KIAA0319L: variants seen among roughly 807,000 people sequenced by gnomAD.
KIAA0319L encodes KIAA0319 like.
In KIAA0319L, 55 loss-of-function variants were observed where a neutral mutation model predicts 120.1. The observed-to-expected ratio is 0.46, with a 90% confidence interval of 0.37 to 0.57. KIAA0319L has a LOEUF of 0.57. KIAA0319L is among the 20% of genes least tolerant of loss of function. The probability of loss-of-function intolerance (pLI) is 0.00; values close to 1 mark genes in which losing one functional copy is unlikely to be tolerated. For synonymous variants in KIAA0319L, 398 were observed against 471.9 expected, an observed-to-expected ratio of 0.84 and a Z score of 2.03; for missense variants, 1,049 against 1,255.3, an observed-to-expected ratio of 0.84 and a Z score of 2.48.
chr1:35,458,444 G>T (rs994455777), intron 9 of KIAA0319L, among the ~76,000 whole-genome samples: 1 of 151,964 alleles, frequency 6.6e-6, no homozygotes, highest in Non-Finnish European at 1.5e-5. Context: ...AAAGGTGAGT[G>T]AATTACAACC....
rs1481783229 is a variant in KIAA0319L at position 35,435,024 on chromosome 1, A to G, written c.3020T>C (p.Leu1007Pro). The G allele has an allele frequency of 3.7e-6, 6 of 1,614,216 alleles. No individual in the cohort carries two copies. The highest frequency in any genetic ancestry group is 1.7e-4 in the Middle Eastern group (1 of 6,060). The change falls in exon 21 of 21, where the codon CTG becomes CCG. Residue 1007 changes from leucine to proline, a missense_variant. Physicochemically the swap from Leu to Pro is moderately conservative, Grantham distance 98 (BLOSUM62 -3). Coordinates refer to ENST00000325722, the MANE Select transcript of KIAA0319L (RefSeq NM_024874.5). ...TGTAAAGATGGCATCATCGCTGTCC[A>G]GCTCTGACTCGGAGTGCATCAGGCT... ...SSSLMHSESE[L>P]DSDDAIFTWP...
intron 3 of KIAA0319L, among the ~76,000 whole-genome samples, chr1:35,497,458 G>A: frequency 6.6e-6 from 1 of 152,152 alleles, no homozygotes. Context: ...CAATTTTCTA[G>A]AGGGGGTGAG....
chr1:35,454,109 A>C (rs1310675618), intron 11 of KIAA0319L: 1 of 475,592 alleles, frequency 2.1e-6, no homozygotes, highest in African/African-American at 1.9e-5. Flanking sequence ...GATGGCATAA[A>C]CTCTATTTCC....
Position 35,506,541 on chromosome 1 carries a change from C to T in KIAA0319L, c.666+71G>A. On this transcript the variant is annotated intron_variant, in intron 3 of 20. Coordinates refer to ENST00000325722, the MANE Select transcript of KIAA0319L (RefSeq NM_024874.5). The surrounding 1 kb of genome is among the most constrained non-coding windows in gnomAD (Gnocchi z 4.0). ...GAGCACTGCCCGCAAGCATCAGCTTCATTGCTCATATATACCAAATGTAAG... is the reference window on the plus strand; with the variant it reads ...GAGCACTGCCCGCAAGCATCAGCTTTATTGCTCATATATACCAAATGTAAG... The T allele has an allele frequency of 2.1e-6, 3 of 1,434,030 alleles. No individual in the cohort carries two copies. Among genetic ancestry groups the T allele is most frequent in the Non-Finnish European group, 2.9e-6 (3 of 1,048,932 alleles). The allele number at this position is 1,434,030 out of a possible 1,614,324, so 88.8% of individuals were successfully genotyped here. A position where few individuals can be genotyped will look rare whatever the true frequency, so the allele number is the denominator to read the frequency against.
At chr1:35,484,273 T>TA (rs1644281236) in intron 3 of KIAA0319L, among the ~76,000 whole-genome samples, 1 of 152,142 alleles carries the variant, frequency 6.6e-6, no homozygotes. Flanking sequence ...CTTTGGGTGT[T>TA]ACACATTTTT....
At chr1:35,450,271 G>T in intron 14 of KIAA0319L, 87 bp downstream of exon 14, 1 of 1,375,504 alleles carries the variant, frequency 7.3e-7, no homozygotes, top group Non-Finnish European at 1.0e-6. Flanking sequence ...TTGATATAAG[G>T]GACCACTTGA....
chr1:35,491,391 C>T (rs1644587228), intron 3 of KIAA0319L, among the ~76,000 whole-genome samples: 1 of 152,024 alleles, frequency 6.6e-6, no homozygotes, highest in Non-Finnish European at 1.5e-5. Flanking sequence ...AAAATTACGC[C>T]ATAGAATAAC....
intron 17 of KIAA0319L, among the ~76,000 whole-genome samples, chr1:35,443,492 C>G (rs541236276): frequency 2.6e-5 from 4 of 151,922 alleles, no homozygotes; most frequent in African/African-American, 9.7e-5. Context: ...GATAACATGA[C>G]GAAACCCCAT....
At chr1:35,462,004 CA>C (rs1642930203) in intron 8 of KIAA0319L, among the ~76,000 whole-genome samples, 1 of 152,024 alleles carries the variant, frequency 6.6e-6, no homozygotes, top group African/African-American at 2.4e-5. Flanking sequence ...AAAACAAAAC[CA>C]AAAACCAAGC....
chr1:35,494,370 A>G (rs2148362558), intron 3 of KIAA0319L, among the ~76,000 whole-genome samples: 1 of 152,060 alleles, frequency 6.6e-6, no homozygotes, highest in South Asian at 2.1e-4. Context: ...AATCACTTGA[A>G]CCCGGGAGGC....
chr1:35,435,128 C>T (rs770505331), intron 20 of KIAA0319L, 47 bp from the exon 21 acceptor site: 6 of 1,550,962 alleles, frequency 3.9e-6, no homozygotes, highest in African/African-American at 1.4e-5. Context: ...GGCCTCAAGG[C>T]TGGAGCCACC....
chr1:35,486,803 T>C (rs923827515), intron 3 of KIAA0319L, among the ~76,000 whole-genome samples: 2 of 150,366 alleles, frequency 1.3e-5, no homozygotes, highest in African/African-American at 2.5e-5. Context: ...CCTAGCTACA[T>C]AGGAAGCTGG....
intron 7 of KIAA0319L, among the ~76,000 whole-genome samples, chr1:35,465,250 AG>A (rs1285187598): frequency 6.6e-6 from 1 of 152,222 alleles, no homozygotes; most frequent in Non-Finnish European, 1.5e-5. Context: ...GCTGAGAGGG[AG>A]GCTGTACCCT....
At chr1:35,496,535 T>C (rs1416685999) in intron 3 of KIAA0319L, among the ~76,000 whole-genome samples, 1 of 152,256 alleles carries the variant, frequency 6.6e-6, no homozygotes, top group Non-Finnish European at 1.5e-5. Context: ...CAAATGTTCC[T>C]AGCGTCTTAA....
chr1:35,451,052 T>C (rs1642022912), intron 13 of KIAA0319L, among the ~76,000 whole-genome samples: 2 of 152,212 alleles, frequency 1.3e-5, no homozygotes, highest in South Asian at 2.1e-4. Flanking sequence ...TGGTATCTTA[T>C]GTCTGGAGGT....
intron 9 of KIAA0319L, 85 bp downstream of exon 9, chr1:35,460,220 G>A (rs1443956463): frequency 9.0e-7 from 1 of 1,116,698 alleles, no homozygotes; most frequent in African/African-American, 1.6e-5. Flanking sequence ...TTTGATATTT[G>A]TCAAAGTTAC....
chr1:35,548,979 C>T (rs190154108), intron 2 of KIAA0319L, among the ~76,000 whole-genome samples: 28 of 152,240 alleles, frequency 1.8e-4, no homozygotes, highest in Middle Eastern at 3.4e-3. Flanking sequence ...GAAAGAACTC[C>T]TTAGAGCACC....
At chr1:35,450,265 T>A in intron 14 of KIAA0319L, 93 bp downstream of exon 14, 2 of 1,339,886 alleles carry the variant, frequency 1.5e-6, no homozygotes, top group Non-Finnish European at 2.1e-6. Context: ...CTGGGTTTGA[T>A]ATAAGGGACC....
chr1:35,513,192 T>A (rs938666831), intron 2 of KIAA0319L, among the ~76,000 whole-genome samples: 1 of 149,286 alleles, frequency 6.7e-6, no homozygotes, highest in East Asian at 1.9e-4. Flanking sequence ...GAGTAGAGCT[T>A]AAATTTAGAC....
Sources: allele counts gnomAD v4.1 joint callset (sites outside exome capture counted in the v4.1 genomes callset), GRCh38; gene constraint gnomAD v4.1.1; non-coding constraint Gnocchi (gnomAD v3.1); transcripts MANE v1.5; gene names NCBI Gene and HGNC (gene_info 2026-07-23, HGNC 2026-07-21).